Variants in LCNL1 observed in about 807,000 individuals in gnomAD.
LCNL1 encodes lipocalin-like 1 protein.
LCNL1 carries 11 observed loss-of-function variants against 7.9 expected under a neutral mutation model. The observed-to-expected ratio is 1.40, with a 90% CI of 0.88 to 2.32. LCNL1 has a LOEUF of 2.32. LCNL1 is among the 30% of genes most tolerant of loss of function. The probability of loss-of-function intolerance (pLI) is 0.00; values close to 1 mark genes in which losing one functional copy is unlikely to be tolerated. For missense variants in LCNL1, 218 were observed against 217.0 expected (o/e 1.00, Z -0.03); for synonymous variants, 90 against 92.5 (o/e 0.97, Z 0.15).
At chr9:136,984,291 T>A in intron 1 of LCNL1, 199 bp from the exon 2 acceptor site, 1 of 520,156 alleles carries the variant, frequency 1.9e-6, no homozygotes, top group Non-Finnish European at 3.4e-6. Flanking sequence ...CTAGGCTGTG[T>A]GCCTGTGAAC....
rs1467295481 is a variant in LCNL1, at chr9:136,983,529, C to G, written c.-58C>G. The G allele has an allele frequency of 2.5e-6, 4 of 1,601,104 alleles. No homozygotes were observed. The African/African-American group carries it at 5.4e-5, about 21-fold the overall frequency. ...ATGTGGTGGGCTCAGGCCCAGGGCACAGGGGCGGCCTCCCAGCCTTCCCTG... is the reference window on the plus strand; with the variant it reads ...ATGTGGTGGGCTCAGGCCCAGGGCAGAGGGGCGGCCTCCCAGCCTTCCCTG... On this transcript the variant is annotated 5_prime_UTR_variant, in exon 1 of 3. Coordinates refer to ENST00000408973, the MANE Select transcript of LCNL1 (RefSeq NM_207510.4).
Position 136,984,000 on chromosome 9 carries a change from ATG to A in LCNL1, c.122+302_122+303del, listed in dbSNP as rs1260855946. 9.7e-5 allele frequency: 44 copies of A among 453,210 alleles called. 1 individual carries two copies. Among genetic ancestry groups the A allele is most frequent in the South Asian group, 3.0e-4 (11 of 36,608 alleles). 28.1% of individuals were successfully genotyped at this position (453,210 alleles called of 1,614,324 possible). A position where few individuals can be genotyped will look rare whatever the true frequency, so the allele number is the denominator to read the frequency against. ...TCTGTGTATGTGTGTCTATTTCTGCATGTGTGTGTGTCTGTGTGTGCGTGTGT... is the reference window on the plus strand; with the variant it reads ...TCTGTGTATGTGTGTCTATTTCTGCATGTGTGTGTCTGTGTGTGCGTGTGT... On this transcript the variant is annotated intron_variant, in intron 1 of 2. Transcript: ENST00000408973.
chr9:136,984,469 AT>A lies in LCNL1; in HGVS notation c.123-19del. Reference sequence around the variant, plus strand: ...CTGGGCAGGGGTGGCCACTCAGGGGATTGGGGCTCTTTCTCCCCAGGCCCCA... The same window carrying A: ...CTGGGCAGGGGTGGCCACTCAGGGGATGGGGCTCTTTCTCCCCAGGCCCCA... On this transcript the variant is annotated intron_variant, in intron 1 of 2. Coordinates refer to ENST00000408973, the MANE Select transcript of LCNL1 (RefSeq NM_207510.4). The A allele has an allele frequency of 6.5e-7, 1 of 1,543,602 alleles. No individual in the cohort carries two copies. Among genetic ancestry groups the A allele is most frequent in the Non-Finnish European group, 8.7e-7 (1 of 1,143,254 alleles).
chr9:136,984,530 G>A lies in LCNL1; in HGVS notation c.163G>A (p.Glu55Lys), dbSNP rs1444555128. The A allele has an allele frequency of 1.0e-5, 16 of 1,573,968 alleles. No individual in the cohort carries two copies. The highest frequency in any genetic ancestry group is 1.7e-4 in the Middle Eastern group (1 of 6,004). ...CCAGAAAATGGACACGACCTTCACC[G>A]AGGGTGCTGTACCGGGGCAGTTCAG... ...GCQKMDTTFT[E>K]GAVPGQFSNP... Residue 55 changes from glutamate (E) to lysine (K), a missense_variant, in exon 2 of 3, where the codon GAG becomes AAG. Physicochemically the swap from Glu to Lys is moderately conservative, Grantham distance 56 (BLOSUM62 1). Transcript: ENST00000408973.
At chr9:136,984,230 T>G in intron 1 of LCNL1, 1 of 502,628 alleles carries the variant, frequency 2.0e-6, no homozygotes, top group South Asian at 3.2e-5. Context: ...TGTGTATGTG[T>G]GTGTCTTCTG....
In LCNL1 at chr9:136,983,392, G is replaced by A; in HGVS notation, c.-195G>A. The A allele has an allele frequency of 1.6e-6, 1 of 620,636 alleles. No homozygotes were observed. Among genetic ancestry groups the A allele is most frequent in the Non-Finnish European group, 2.8e-6 (1 of 350,884 alleles). The allele number at this position is 620,636 out of a possible 1,614,324, so 38.4% of individuals were successfully genotyped here. On this transcript the variant is annotated 5_prime_UTR_variant, in exon 1 of 3. Transcript: ENST00000408973. ...GCTGCAGACAGGCCGGTGCTGGGCTGGTGGGGGCCAGTTGCTCATGTACTG... is the reference window on the plus strand; with the variant it reads ...GCTGCAGACAGGCCGGTGCTGGGCTAGTGGGGGCCAGTTGCTCATGTACTG...
At position 136,984,814 on chromosome 9, in the gene LCNL1, C is replaced by T; in HGVS notation, c.298C>T (p.Gln100Ter). The T allele has an allele frequency of 2.5e-6, 4 of 1,577,962 alleles. No homozygotes were observed. The highest frequency in any genetic ancestry group is 1.2e-5 in the South Asian group (1 of 86,692). The change falls in exon 3 of 3, where the codon CAG becomes TAG. Residue 100 changes from glutamine (Q) to a stop codon, truncating the protein, a stop_gained. Coordinates refer to ENST00000408973, the MANE Select transcript of LCNL1 (RefSeq NM_207510.4). LOFTEE classifies it low-confidence loss of function (END_TRUNC). ...AGGGGGCCTGCGGAACCAGTGGCTG[C>T]AGCTCTACGGTGGGCGGGCTGCGGG... ...RKGGLRNQWLQLYGGRAAGRR... is the reference protein window; with the variant it reads ...RKGGLRNQWL
In LCNL1 at chr9:136,983,357, CT is replaced by C; in HGVS notation, c.-229del. 1.3e-5 allele frequency: 7 copies of C among 519,428 alleles called. No individual in the cohort carries two copies. The East Asian group carries it at 2.3e-4, about 17-fold the overall frequency. 32.2% of individuals were successfully genotyped at this position (519,428 alleles called of 1,614,324 possible). On this transcript the variant is annotated 5_prime_UTR_variant, in exon 1 of 3. Coordinates refer to ENST00000408973, the MANE Select transcript of LCNL1 (RefSeq NM_207510.4). The stretch of plus-strand genomic sequence containing the variant: ...AGCCCCACCCATCCAGCCGTACCCC[CT>C]GGGTGCCAGCTGCAGACAGGCCGGT...
rs1306406151 is a variant in LCNL1, at chr9:136,985,092, C to CAAG, written c.*82_*84dup. 1.5e-6 allele frequency: 2 copies of CAAG among 1,333,782 alleles called. No individual in the cohort carries two copies. Among genetic ancestry groups the CAAG allele is most frequent in the Non-Finnish European group, 2.0e-6 (2 of 995,548 alleles). 82.6% of individuals were successfully genotyped at this position (1,333,782 alleles called of 1,614,324 possible). A position where few individuals can be genotyped will look rare whatever the true frequency, so the allele number is the denominator to read the frequency against. ...CCAGAAGATGCAGCTACTGGCGCCC[C>CAAG]AAGTGGGCCTGAGCCCCAGCCAGGG... On this transcript the variant is annotated 3_prime_UTR_variant, in exon 3 of 3. Coordinates refer to ENST00000408973, the MANE Select transcript of LCNL1 (RefSeq NM_207510.4).
intron 1 of LCNL1, chr9:136,983,974 C>A: frequency 2.0e-6 from 1 of 495,520 alleles, no homozygotes. Context: ...GTGGCTGTGT[C>A]TCTGTGTATG....
At position 136,983,495 on chromosome 9, in the gene LCNL1, C is replaced by T. The variant is rs201084453; in HGVS notation, c.-92C>T. The stretch of plus-strand genomic sequence containing the variant: ...TGCCGTGGCCAGGAAGCAGCTGTGT[C>T]GGGGCAGAATGTGGTGGGCTCAGGC... On this transcript the variant is annotated 5_prime_UTR_variant, in exon 1 of 3. Coordinates refer to ENST00000408973, the MANE Select transcript of LCNL1 (RefSeq NM_207510.4). The T allele has an allele frequency of 2.6e-4, 401 of 1,519,252 alleles. 3 individuals carry two copies. The highest frequency in any genetic ancestry group is 3.4e-4 in the Admixed American group (20 of 58,890). The allele number at this position is 1,519,252 out of a possible 1,614,324, so 94.1% of individuals were successfully genotyped here.
rs1308558124 is a variant in LCNL1 at position 136,984,750 on chromosome 9, C to G, written c.234C>G (p.Asp78Glu). 5 of 1,544,158 alleles carry G rather than the reference C, an allele frequency of 3.2e-6. No homozygotes were observed. Among genetic ancestry groups the G allele is most frequent in the Non-Finnish European group, 4.4e-6 (5 of 1,140,388 alleles). Residue 78 changes from aspartate to glutamate, a missense_variant, in exon 3 of 3, where the codon GAC becomes GAG. Asp to Glu is a conservative substitution (Grantham distance 45, BLOSUM62 2). Coordinates refer to ENST00000408973, the MANE Select transcript of LCNL1 (RefSeq NM_207510.4). ...ALSDIRVAFS[D>E]YQHFALLYLE... ...GTGACATCCGAGTGGCCTTCTCCGA[C>G]TACCAGCACTTTGCCTTGCTGTACT...
chr9:136,984,382 T>TTG (rs1830474820), intron 1 of LCNL1, 108 bp from the exon 2 acceptor site: 2 of 984,452 alleles, frequency 2.0e-6, no homozygotes, highest in Non-Finnish European at 2.9e-6. Flanking sequence ...CCTCTAAGGA[T>TTG]TGTGAGGGTG....
In LCNL1 at chr9:136,984,989, C is replaced by A; in HGVS notation, c.473C>A (p.Ala158Asp). The A allele has an allele frequency of 6.5e-7, 1 of 1,535,380 alleles. No homozygotes were observed. Among genetic ancestry groups the A allele is most frequent in the Non-Finnish European group, 8.8e-7 (1 of 1,137,110 alleles). Residue 158 changes from alanine (A) to aspartate (D), a missense_variant, in exon 3 of 3, where the codon GCC (alanine) becomes GAC (aspartate). Physicochemically the swap from Ala to Asp is moderately radical, Grantham distance 126 (BLOSUM62 -2). Coordinates refer to ENST00000408973, the MANE Select transcript of LCNL1 (RefSeq NM_207510.4). ...APPCPSLPLFAPPAPSL is the reference protein window; with the variant it reads ...APPCPSLPLFDPPAPSL ...CCCTGCCCCTCTCTCCCTCTCTTCGCCCCTCCAGCCCCTTCCCTTTAGCTT... is the reference window on the plus strand; with the variant it reads ...CCCTGCCCCTCTCTCCCTCTCTTCGACCCTCCAGCCCCTTCCCTTTAGCTT...
chr9:136,984,622 C>A, intron 2 of LCNL1, 59 bp downstream of exon 2: 1 of 1,505,130 alleles, frequency 6.6e-7, no homozygotes, highest in South Asian at 1.3e-5. Context: ...GCATGGACTG[C>A]TGGATTGGCA....
chr9:136,985,039 G>T lies in LCNL1; in HGVS notation c.*28G>T. 7.0e-7 allele frequency: 1 copy of T among 1,437,608 alleles called. No individual in the cohort carries two copies. The highest frequency in any genetic ancestry group is 1.4e-5 in the South Asian group (1 of 70,032). 89.1% of individuals were successfully genotyped at this position (1,437,608 alleles called of 1,614,324 possible). On this transcript the variant is annotated 3_prime_UTR_variant, in exon 3 of 3. Transcript: ENST00000408973. ...TACCCGCCCTCCCCACCTTCAGCTC[G>T]AGCGCCCGAGCTGTTTCCCGAAGGC...
chr9:136,983,443 C>T lies in LCNL1; in HGVS notation c.-144C>T, dbSNP rs968515. ...AGGCCCCCCTCCCTCAGTTCTGCAT[C>T]GGGGTCGAGATGTGTACAGCAGCCC... On this transcript the variant is annotated 5_prime_UTR_variant, in exon 1 of 3. Transcript: ENST00000408973. 1.2e-3 allele frequency: 1,167 copies of T among 956,360 alleles called. 9 individuals are homozygous for T. In the African/African-American group the frequency reaches 0.017, roughly 14 times the overall value. The allele number at this position is 956,360 out of a possible 1,614,324, so 59.2% of individuals were successfully genotyped here.
chr9:136,984,671 G>A (rs2131400780), intron 2 of LCNL1, 42 bp from the exon 3 acceptor site: 1 of 1,515,132 alleles, frequency 6.6e-7, no homozygotes, highest in Non-Finnish European at 8.9e-7. Flanking sequence ...GCTCGGGGGG[G>A]AGGTGCCCTG....
intron 1 of LCNL1, 23 bp downstream of exon 1, chr9:136,983,731 C>T (rs1488490868): frequency 6.2e-7 from 1 of 1,609,032 alleles, no homozygotes. Context: ...ACGAGCCCAT[C>T]AGACTCAGCC....
Sources: gnomAD v4.1 joint callset for allele counts on GRCh38, gnomAD v4.1.1 for gene constraint, MANE v1.5 for transcripts, NCBI Gene and HGNC (gene_info 2026-07-23, HGNC 2026-07-21) for gene names.